The following CCDC136 variants were observed in gnomAD, a reference collection of about 807,000 sequenced individuals.
CCDC136 encodes the protein coiled-coil domain-containing protein 136.
In CCDC136, 100 loss-of-function variants were observed where a neutral mutation model predicts 141.2. That is an observed-to-expected ratio of 0.71 (90% CI 0.60 to 0.84). The LOEUF (loss-of-function observed/expected upper bound fraction) is 0.84. Ranked by LOEUF, CCDC136 falls within the 40% of genes least tolerant of loss-of-function variation. The pLI, the probability that CCDC136 is intolerant of heterozygous loss-of-function variation, is 0.00. For synonymous variants in CCDC136, 474 were observed against 531.9 expected (o/e 0.89, Z 1.50); for missense variants, 1,206 against 1,379.4 (o/e 0.87, Z 1.99).
chr7:128,795,541 T>G (rs902843), intron 3 of CCDC136, among the ~76,000 whole-genome samples: 151,181 of 151,892 alleles, frequency 1, 75,242 homozygotes, highest in Middle Eastern at 1. Context: ...GAGGTGTAAG[T>G]GGGGAGGAGA....
At chr7:128,807,026 T>G (rs1194312798) in intron 9 of CCDC136, among the ~76,000 whole-genome samples, 168 bp downstream of exon 9, 3 of 152,128 alleles carry the variant, frequency 2.0e-5, no homozygotes, top group African/African-American at 7.2e-5. Flanking sequence ...GGCTCTCAGC[T>G]TCCTTTGATT....
At chr7:128,815,469 G>A (rs1042226409) in intron 15 of CCDC136, 145 bp from the exon 16 acceptor site, 1 of 857,330 alleles carries the variant, frequency 1.2e-6, no homozygotes, top group Non-Finnish European at 1.8e-6. Flanking sequence ...TCAGGGGATT[G>A]GCTCACAGTC....
Position 128,807,402 on chromosome 7 carries a change from T to TA in CCDC136, c.1463dup (p.Tyr488Ter). The TA allele has an allele frequency of 6.3e-7, 1 of 1,580,882 alleles. No homozygotes were observed. The highest frequency in any genetic ancestry group is 8.6e-7 in the Non-Finnish European group (1 of 1,164,196). The change falls in exon 10 of 18, where the codon TAC (tyrosine) becomes TAAC (stop). Residue 488 changes from tyrosine (Y) to a stop codon, truncating the protein, a stop_gained and frameshift_variant. Coordinates refer to ENST00000297788, the MANE Select transcript of CCDC136 (RefSeq NM_022742.5). LOFTEE classifies it high-confidence loss of function. The part of the protein sequence containing the change: ...HAQLQEMKQL[Y>*]QASKDELERQ... ...TCAGCTTCAGGAGATGAAGCAGCTG[T>TA]ACCAGGCCAGCAAGGACGAGCTGGA...
At chr7:128,815,559 AT>A in intron 15 of CCDC136, 54 bp from the exon 16 acceptor site, 2 of 1,501,384 alleles carry the variant, frequency 1.3e-6, no homozygotes, top group South Asian at 1.3e-5. Flanking sequence ...TTGTCATGAG[AT>A]TAGGAGCTTC....
chr7:128,806,765 G>T lies in CCDC136; in HGVS notation c.1326G>T (p.Arg442=). ...VTCEKEKLLE[R]QQQLQEELQC... is the part of the protein sequence containing the mutation. ...GTGAGAAGGAAAAGCTGCTGGAACG[G>T]CAGCAGCAGCTGCAGGAGGAGCTGC... Residue 442 remains arginine (R), a synonymous_variant, in exon 9 of 18, where the codon CGG becomes CGT. Coordinates refer to ENST00000297788, the MANE Select transcript of CCDC136 (RefSeq NM_022742.5). 6.2e-7 allele frequency: 1 copy of T among 1,611,316 alleles called. No homozygotes were observed.
At position 128,804,703 on chromosome 7, in the gene CCDC136, G is replaced by A; in HGVS notation, c.724G>A (p.Ala242Thr). 3.1e-6 allele frequency: 5 copies of A among 1,599,284 alleles called. No homozygotes were observed. The highest frequency in any genetic ancestry group is 1.1e-5 in the South Asian group (1 of 87,766). ...RYHFLNEEYR[A>T]LQESNSSLTG... The stretch of plus-strand genomic sequence containing the variant: ...CCATTTCCTGAATGAGGAATACCGG[G>A]CCCTGCAGGAGAGCAACAGCAGCCT... The change falls in exon 5 of 18, where the codon GCC becomes ACC. Residue 242 changes from alanine to threonine, a missense_variant. Physicochemically the swap from Ala to Thr is moderately conservative, Grantham distance 58. Transcript: ENST00000297788.
In CCDC136 at chr7:128,821,815, G is replaced by A. The variant is rs1248467985; in HGVS notation, c.*22G>A. The A allele has an allele frequency of 7.7e-7, 1 of 1,290,466 alleles. No homozygotes were observed. The highest frequency in any genetic ancestry group is 2.3e-5 in the Admixed American group (1 of 43,574). The allele number at this position is 1,290,466 out of a possible 1,614,324, so 79.9% of individuals were successfully genotyped here. On this transcript the variant is annotated 3_prime_UTR_variant, in exon 18 of 18. Transcript: ENST00000297788. The surrounding 1 kb of genome is among the most constrained non-coding windows in gnomAD (Gnocchi z 5.1). The stretch of plus-strand genomic sequence containing the variant: ...TCCCCACAGAACATGTTTGGGTTGT[G>A]GAAGCCTATGGTATTCTTGGCTATT...
In CCDC136 at chr7:128,801,220, G is replaced by C; in HGVS notation, c.381G>C (p.Leu127=). ...ELRSLREEIS[L]LEHEKESELK... ...GTTCTCTACGGGAGGAGATTTCCCTGTTAGAGCATGAGAAAGAAAGCGAAC... is the reference window on the plus strand; with the variant it reads ...GTTCTCTACGGGAGGAGATTTCCCTCTTAGAGCATGAGAAAGAAAGCGAAC... Residue 127 remains leucine (L), a synonymous_variant, in exon 4 of 18, where the codon CTG becomes CTC. Transcript: ENST00000297788. 2 of 1,613,854 alleles carry C rather than the reference G, an allele frequency of 1.2e-6. No individual in the cohort carries two copies. Among genetic ancestry groups the C allele is most frequent in the Non-Finnish European group, 1.7e-6 (2 of 1,179,768 alleles).
chr7:128,814,966 T>A, intron 15 of CCDC136, 47 bp downstream of exon 15: 1 of 1,459,194 alleles, frequency 6.9e-7, no homozygotes, highest in Non-Finnish European at 9.2e-7. Flanking sequence ...GAGGAGGAGA[T>A]CCTGGGAAGA....
In CCDC136 at chr7:128,817,780, C is replaced by A. The variant is rs199887952; in HGVS notation, c.3386C>A (p.Pro1129His). The change falls in exon 17 of 18, where the codon CCC becomes CAC. Residue 1129 changes from proline (P) to histidine (H), a missense_variant. Coordinates refer to ENST00000297788, the MANE Select transcript of CCDC136 (RefSeq NM_022742.5). The surrounding 1 kb of genome is among the most constrained non-coding windows in gnomAD (Gnocchi z 4.6). ...CAGTCATCCCCTACCCCCAATCCCCCCATCTTCTCCTTGCCTCTTGTAGGC... is the reference window on the plus strand; with the variant it reads ...CAGTCATCCCCTACCCCCAATCCCCACATCTTCTCCTTGCCTCTTGTAGGC... ...SKKSSPTPNP[P>H]IFSLPLVGLV... 3 of 1,613,902 alleles carry A rather than the reference C, an allele frequency of 1.9e-6. No individual in the cohort carries two copies. Among genetic ancestry groups the A allele is most frequent in the Non-Finnish European group, 2.5e-6 (3 of 1,179,830 alleles).
Position 128,804,777 on chromosome 7 carries a change from G to C in CCDC136, c.782+16G>C. On this transcript the variant is annotated intron_variant, in intron 5 of 17. Transcript: ENST00000297788. ...AGAGTGAGAGGTACAGCTGTCTCTG[G>C]AGAGTGAGAGGTCATGGGGTTCCAC... is the stretch of plus-strand genomic sequence containing the variant. The C allele has an allele frequency of 6.7e-7, 1 of 1,496,112 alleles. No individual in the cohort carries two copies. Among genetic ancestry groups the C allele is most frequent in the Non-Finnish European group, 9.2e-7 (1 of 1,087,538 alleles). The allele number at this position is 1,496,112 out of a possible 1,614,324, so 92.7% of individuals were successfully genotyped here.
In CCDC136 at chr7:128,792,331, A is replaced by AC; in HGVS notation, c.-79dup. The AC allele has an allele frequency of 6.5e-7, 1 of 1,533,502 alleles. No homozygotes were observed. The highest frequency in any genetic ancestry group is 8.8e-7 in the Non-Finnish European group (1 of 1,133,478). The allele number at this position is 1,533,502 out of a possible 1,614,324, so 95.0% of individuals were successfully genotyped here. On this transcript the variant is annotated 5_prime_UTR_variant, in exon 1 of 18. Transcript: ENST00000297788. ...CTCCCTGCTCTCAGGACCCACAGTG[A>AC]CCACTCTAGGCTCCTATGAGGCTTC...
Position 128,817,690 on chromosome 7 carries a change from T to C in CCDC136, c.3364-68T>C. On this transcript the variant is annotated intron_variant, in intron 16 of 17. Coordinates refer to ENST00000297788, the MANE Select transcript of CCDC136 (RefSeq NM_022742.5). This position sits in a 1 kb window ranked among gnomAD's most constrained non-coding sequence, Gnocchi z 4.6. Reference sequence around the variant, plus strand: ...TTTCTCATCTTCATTATCTGTTGGATCCATGCGTTTATGTCTCACATCTCC... The same window carrying C: ...TTTCTCATCTTCATTATCTGTTGGACCCATGCGTTTATGTCTCACATCTCC... The C allele has an allele frequency of 9.8e-7, 1 of 1,023,102 alleles. No individual in the cohort carries two copies. Among genetic ancestry groups the C allele is most frequent in the Non-Finnish European group, 1.6e-6 (1 of 639,770 alleles). The allele number at this position is 1,023,102 out of a possible 1,614,324, so 63.4% of individuals were successfully genotyped here. A position where few individuals can be genotyped will look rare whatever the true frequency, so the allele number is the denominator to read the frequency against.
intron 17 of CCDC136, among the ~76,000 whole-genome samples, chr7:128,818,988 G>A (rs1807068188): frequency 6.6e-6 from 1 of 152,070 alleles, no homozygotes; most frequent in South Asian, 2.1e-4. Flanking sequence ...CCTTCCTCCT[G>A]CTCCCTCCCC....
rs1351461818 is a variant in CCDC136 at position 128,812,567 on chromosome 7, A to G, written c.2542-141A>G. ...CCTCACCACAGCCACGATGCTCTTT[A>G]TGGGGGTAAATATAGTAATCCCCCG... is the stretch of plus-strand genomic sequence containing the variant. On this transcript the variant is annotated intron_variant, in intron 13 of 17. Coordinates refer to ENST00000297788, the MANE Select transcript of CCDC136 (RefSeq NM_022742.5). 18 of 724,312 alleles carry G rather than the reference A, an allele frequency of 2.5e-5. No individual in the cohort carries two copies. In the East Asian group the frequency reaches 3.8e-4, roughly 15 times the overall value. 44.9% of individuals were successfully genotyped at this position (724,312 alleles called of 1,614,324 possible).
chr7:128,804,625 ATC>A, intron 4 of CCDC136, 23 bp from the exon 5 acceptor site: 2 of 1,431,972 alleles, frequency 1.4e-6, no homozygotes, highest in Admixed American at 2.0e-5. Flanking sequence ...TCCCGGTCTC[ATC>A]TCTCTCTGCC....
In CCDC136 at chr7:128,811,819, A is replaced by G. The variant is rs186600964; in HGVS notation, c.2048A>G (p.Glu683Gly). 7.2e-4 allele frequency: 1,141 copies of G among 1,589,456 alleles called. 2 individuals carry two copies. The highest frequency in any genetic ancestry group is 1.1e-3 in the Admixed American group (60 of 54,818). The stretch of plus-strand genomic sequence containing the variant: ...CCCCAGCAATCCAAGCTGCTCATGG[A>G]GCAGATGCAGGCCCTGCAGGTGATG... ...NRNKQSKLLM[E>G]QMQALQVMYD... Residue 683 changes from glutamate to glycine, a missense_variant, in exon 13 of 18, where the codon GAG becomes GGG. Glu to Gly is a moderately conservative substitution (Grantham distance 98). Coordinates refer to ENST00000297788, the MANE Select transcript of CCDC136 (RefSeq NM_022742.5).
In CCDC136 at chr7:128,796,739, A is replaced by T. The variant is rs556585354; in HGVS notation, c.346+1971A>T. On this transcript the variant is annotated intron_variant, in intron 3 of 17. Transcript: ENST00000297788. Reference sequence around the variant, plus strand: ...TGATTCAGAATATATATATATATATATTCTTTTTTTTTTTTTTTTTGAGAC... The same window carrying T: ...TGATTCAGAATATATATATATATATTTTCTTTTTTTTTTTTTTTTTGAGAC... Among the ~76,000 whole-genome samples the T allele has an allele frequency of 3.1e-3, 350 of 113,378 alleles. 16 individuals are homozygous for T. In the South Asian group the frequency reaches 0.054, roughly 17 times the overall value. 74.4% of individuals were successfully genotyped at this position (113,378 alleles called of 152,430 possible). A position where few individuals can be genotyped will look rare whatever the true frequency, so the allele number is the denominator to read the frequency against.
At position 128,812,292 on chromosome 7, in the gene CCDC136, G is replaced by A; in HGVS notation, c.2521G>A (p.Ala841Thr). 6.2e-7 allele frequency: 1 copy of A among 1,612,380 alleles called. No individual in the cohort carries two copies. The highest frequency in any genetic ancestry group is 8.5e-7 in the Non-Finnish European group (1 of 1,179,352). Reference protein sequence around the residue: ...FVSSCTDEEPAEPEDMERFEE... With the variant: ...FVSSCTDEEPTEPEDMERFEE... The stretch of plus-strand genomic sequence containing the variant: ...CAGCAGCTGCACTGACGAGGAACCT[G>A]CTGAGCCTGAAGACATGGAGGTAAT... The change falls in exon 13 of 18, where the codon GCT becomes ACT. Residue 841 changes from alanine (A) to threonine (T), a missense_variant. By Grantham distance (58) the Ala-to-Thr change is moderately conservative. Coordinates refer to ENST00000297788, the MANE Select transcript of CCDC136 (RefSeq NM_022742.5).
Sources: gnomAD v4.1 joint callset for allele counts (sites outside exome capture counted in the v4.1 genomes callset) on GRCh38, gnomAD v4.1.1 for gene constraint, Gnocchi (gnomAD v3.1) non-coding constraint, MANE v1.5 for transcripts, NCBI Gene and HGNC (gene_info 2026-07-23, HGNC 2026-07-21) for gene names.